RXRA: variants seen among roughly 807,000 people sequenced by gnomAD.
RXRA encodes retinoid X receptor alpha.
RXRA carries 5 observed loss-of-function variants against 44.5 expected under a neutral mutation model. That is an observed-to-expected ratio of 0.11 (90% CI 0.06 to 0.24). RXRA has a LOEUF of 0.24. RXRA is among the 10% of genes least tolerant of loss of function. The pLI, the probability that RXRA is intolerant of heterozygous loss-of-function variation, is 1.00. For synonymous variants in RXRA, 291 were observed against 271.4 expected (o/e 1.07, Z -0.71); for missense variants, 412 against 646.5 (o/e 0.64, Z 3.93).
chr9:134,374,428 G>A (rs1040947615), intron 1 of RXRA, among the ~76,000 whole-genome samples: 3 of 152,156 alleles, frequency 2.0e-5, no homozygotes, highest in Non-Finnish European at 4.4e-5. Flanking sequence ...GGGGTGAATC[G>A]CAGGCCACCC....
intron 1 of RXRA, among the ~76,000 whole-genome samples, chr9:134,327,006 G>A (rs1235986457): frequency 1.3e-5 from 2 of 151,724 alleles, no homozygotes; most frequent in African/African-American, 2.4e-5. Context: ...GGAGCGGGAG[G>A]AGCAACTTCT....
rs557832486 is a variant in RXRA at position 134,392,451 on chromosome 9, C to G, written c.29-9181C>G. 8.5e-5 allele frequency among the ~76,000 whole-genome samples: 13 copies of G among 152,328 alleles called. No individual in the cohort carries two copies. In the South Asian group the frequency reaches 2.7e-3, roughly 32 times the overall value. ...TCTAGGTGGGTGGCCCTGAGCCCAC[C>G]TCCTCCCTGTACCCCCATGGCAGGA... is the stretch of plus-strand genomic sequence containing the variant. On this transcript the variant is annotated intron_variant, in intron 1 of 9. Coordinates refer to ENST00000481739, the MANE Select transcript of RXRA (RefSeq NM_002957.6).
intron 1 of RXRA, among the ~76,000 whole-genome samples, chr9:134,368,540 AGTGT>A (rs372133730): frequency 6.6e-6 from 1 of 151,334 alleles, no homozygotes; most frequent in Non-Finnish European, 1.5e-5. Context: ...TGTGTGTATG[AGTGT>A]GTGTGTGTGA....
chr9:134,333,271 G>A (rs1309634862), intron 1 of RXRA, among the ~76,000 whole-genome samples: 2 of 152,206 alleles, frequency 1.3e-5, no homozygotes, highest in Admixed American at 6.5e-5. Context: ...TTCAGCCCCA[G>A]CTCCTCTTCC....
chr9:134,376,679 G>A (rs1270717001), intron 1 of RXRA, among the ~76,000 whole-genome samples: 22 of 152,294 alleles, frequency 1.4e-4, no homozygotes, highest in Admixed American at 1.4e-3. Flanking sequence ...GGTGCTCAGC[G>A]CGTGGGCAGT....
intron 1 of RXRA, among the ~76,000 whole-genome samples, chr9:134,354,986 C>G (rs1307750632): frequency 1.3e-5 from 2 of 152,240 alleles, no homozygotes; most frequent in Non-Finnish European, 2.9e-5. Flanking sequence ...CAGAGGGGCT[C>G]TGGGAGACTG....
intron 6 of RXRA, chr9:134,423,921 C>T (rs183688945): frequency 1.7e-5 from 17 of 985,378 alleles, no homozygotes; most frequent in East Asian, 2.3e-4. Flanking sequence ...GCTGGCCGCA[C>T]GCAGCTCTTT....
Position 134,349,518 on chromosome 9 carries a change from G to A in RXRA, c.28+22859G>A, listed in dbSNP as rs1554749208. Among the ~76,000 whole-genome samples the A allele has an allele frequency of 6.6e-6, 1 of 152,204 alleles. No homozygotes were observed. ...GGTGCTGCGGGGGTGGCTCGGCCCT[G>A]AAGCTCGTGGCGGGCAGGAGTGTGC... On this transcript the variant is annotated intron_variant, in intron 1 of 9. Transcript: ENST00000481739. This position sits in a 1 kb window ranked among gnomAD's most constrained non-coding sequence, Gnocchi z 4.3.
intron 1 of RXRA, among the ~76,000 whole-genome samples, chr9:134,338,231 G>A (rs1207209137): frequency 2.6e-5 from 4 of 152,240 alleles, no homozygotes; most frequent in Admixed American, 1.3e-4. Flanking sequence ...CTGGTAGCAC[G>A]GGCAGGTGTG....
In RXRA at chr9:134,401,695, C is replaced by T; in HGVS notation, c.92C>T (p.Pro31Leu). The change falls in exon 2 of 10, where the codon CCC becomes CTC. Residue 31 changes from proline to leucine, a missense_variant. Transcript: ENST00000481739. ...ACGGGGCGAGGCTCCATGGCTGCCCCCTCGCTGCACCCGTCCCTGGGGCCT... is the reference window on the plus strand; with the variant it reads ...ACGGGGCGAGGCTCCATGGCTGCCCTCTCGCTGCACCCGTCCCTGGGGCCT... ...SPTGRGSMAA[P>L]SLHPSLGPGI... The T allele has an allele frequency of 6.2e-7, 1 of 1,613,124 alleles. No homozygotes were observed. Among genetic ancestry groups the T allele is most frequent in the Non-Finnish European group, 8.5e-7 (1 of 1,179,980 alleles).
rs1830203990 is a variant in RXRA, at chr9:134,350,137, G to A, written c.28+23478G>A. 3.3e-5 allele frequency among the ~76,000 whole-genome samples: 5 copies of A among 152,212 alleles called. No individual in the cohort carries two copies. The South Asian group carries it at 1.0e-3, about 32-fold the overall frequency. ...GATGCCAGGAGATGTCATGCCGATC[G>A]CATGCTTTGATTAAACAGCCTGTCT... On this transcript the variant is annotated intron_variant, in intron 1 of 9. Transcript: ENST00000481739.
At chr9:134,406,909 G>A (rs1462952191) in intron 2 of RXRA, among the ~76,000 whole-genome samples, 1 of 152,222 alleles carries the variant, frequency 6.6e-6, no homozygotes, top group African/African-American at 2.4e-5. Flanking sequence ...TCTGAGAAGC[G>A]CACCTGCTGC....
intron 1 of RXRA, among the ~76,000 whole-genome samples, chr9:134,331,065 C>T (rs1311438032): frequency 1.3e-5 from 2 of 150,454 alleles, no homozygotes; most frequent in Admixed American, 6.6e-5. Flanking sequence ...TAGAGGACAT[C>T]GGGGACACTG....
At chr9:134,354,660 C>T (rs1211080258) in intron 1 of RXRA, among the ~76,000 whole-genome samples, 6 of 152,244 alleles carry the variant, frequency 3.9e-5, no homozygotes, top group Non-Finnish European at 8.8e-5. Flanking sequence ...TGGCCTGGGC[C>T]GGGCATTCCC....
chr9:134,427,133 C>T lies in RXRA; in HGVS notation c.911-1975C>T, dbSNP rs940223802. ...GGGCCTCTTCTAGATTAGACTTCTC[C>T]CAAATGTGATGCTACAGATGTTTCA... On this transcript the variant is annotated intron_variant, in intron 6 of 9. Transcript: ENST00000481739. 3.4e-4 allele frequency: 337 copies of T among 984,844 alleles called. 1 individual carries two copies. Among genetic ancestry groups the T allele is most frequent in the South Asian group, 5.6e-4 (12 of 21,282 alleles). The allele number at this position is 984,844 out of a possible 1,614,324, so 61.0% of individuals were successfully genotyped here. A position where few individuals can be genotyped will look rare whatever the true frequency, so the allele number is the denominator to read the frequency against.
intron 1 of RXRA, among the ~76,000 whole-genome samples, chr9:134,381,026 T>A (rs544685156): frequency 1.2e-4 from 18 of 152,316 alleles, no homozygotes; most frequent in African/African-American, 1.4e-4. Flanking sequence ...AGACTGAGTC[T>A]GAACCCGGTG....
chr9:134,400,852 C>T (rs1055575624), intron 1 of RXRA, among the ~76,000 whole-genome samples: 1 of 152,192 alleles, frequency 6.6e-6, no homozygotes. Flanking sequence ...GCCCACCGCC[C>T]ACGTGAGAGG....
chr9:134,370,946 T>C, intron 1 of RXRA, among the ~76,000 whole-genome samples: 1 of 152,048 alleles, frequency 6.6e-6, no homozygotes, highest in East Asian at 1.9e-4. Flanking sequence ...TGTCCCTTCT[T>C]CCACTGGGTT....
chr9:134,425,770 G>A lies in RXRA; in HGVS notation c.911-3338G>A, dbSNP rs566238574. On this transcript the variant is annotated intron_variant, in intron 6 of 9. Coordinates refer to ENST00000481739, the MANE Select transcript of RXRA (RefSeq NM_002957.6). ...GCTCTTGTCACTGCCGCCCTGGGACGGGATCCCCATCACAAGCCCCATGGG... is the reference window on the plus strand; with the variant it reads ...GCTCTTGTCACTGCCGCCCTGGGACAGGATCCCCATCACAAGCCCCATGGG... 60 of 985,386 alleles carry A rather than the reference G, an allele frequency of 6.1e-5. 1 individual carries two copies. In the South Asian group the frequency reaches 2.3e-3, roughly 38 times the overall value. The allele number at this position is 985,386 out of a possible 1,614,324, so 61.0% of individuals were successfully genotyped here.
Sources: gnomAD v4.1 joint callset for allele counts (sites outside exome capture counted in the v4.1 genomes callset) on GRCh38, gnomAD v4.1.1 for gene constraint, Gnocchi (gnomAD v3.1) non-coding constraint, MANE v1.5 for transcripts, NCBI Gene and HGNC (gene_info 2026-07-23, HGNC 2026-07-21) for gene names.